CUEDC1: variants seen among roughly 807,000 people sequenced by gnomAD.
CUEDC1 encodes CUE domain-containing protein 1.
A neutral mutation model predicts 43.7 loss-of-function variants in CUEDC1; 30 were observed. The observed-to-expected ratio is 0.69, with a 90% CI of 0.51 to 0.93. The LOEUF (loss-of-function observed/expected upper bound fraction) is 0.93. CUEDC1 is among the 40% of genes least tolerant of loss of function. CUEDC1 has a pLI of 0.00. For missense variants in CUEDC1, 486 were observed against 549.0 expected, an observed-to-expected ratio of 0.89 and a Z score of 1.15; for synonymous variants, 223 against 223.6, an observed-to-expected ratio of 1.00 and a Z score of 0.02.
chr17:57,912,020 T>C (rs1478706059), intron 1 of CUEDC1, among the ~76,000 whole-genome samples: 1 of 152,184 alleles, frequency 6.6e-6, no homozygotes, highest in East Asian at 1.9e-4. Flanking sequence ...ATGCGCAAGA[T>C]AAAAACCTCT....
At chr17:57,932,045 G>A (rs2074808956) in intron 1 of CUEDC1, among the ~76,000 whole-genome samples, 1 of 151,846 alleles carries the variant, frequency 6.6e-6, no homozygotes, top group East Asian at 1.9e-4. Flanking sequence ...GCTGAGGCAG[G>A]CACATCGCCT....
chr17:57,942,521 T>C (rs897032724), intron 1 of CUEDC1, among the ~76,000 whole-genome samples: 5 of 151,836 alleles, frequency 3.3e-5, no homozygotes, highest in Non-Finnish European at 7.4e-5. Context: ...CCCAAGTAGC[T>C]GACACTACAA....
Position 57,885,526 on chromosome 17 carries a change from G to A in CUEDC1, c.39C>T (p.Gly13=), listed in dbSNP as rs1435988570. Residue 13 remains glycine, a synonymous_variant, in exon 2 of 11, where the codon GGC becomes GGT. Transcript: ENST00000577830. The part of the protein sequence containing the change: ...SLFRRSSSGS[G]GGGTAGARGG... ...CGCGTGCCCCGGCGGTGCCACCCCC[G>A]CCGCTGCCGCTGCTGCTCCGGCGGA... The A allele has an allele frequency of 2.9e-6, 4 of 1,387,808 alleles. No individual in the cohort carries two copies. The highest frequency in any genetic ancestry group is 3.7e-5 in the Admixed American group (1 of 26,768). The allele number at this position is 1,387,808 out of a possible 1,614,324, so 86.0% of individuals were successfully genotyped here.
rs536880167 is a variant in CUEDC1 at position 57,952,478 on chromosome 17, C to T, written c.-316+2747G>A. On this transcript the variant is annotated intron_variant, in intron 1 of 10. Coordinates refer to ENST00000577830, the MANE Select transcript of CUEDC1 (RefSeq NM_001271875.2). ...CTGACCTCAGGTGATCCACCCCCCT[C>T]GGCCTCCCAGAGTGGTGGGATTACA... Among the ~76,000 whole-genome samples the T allele has an allele frequency of 9.2e-5, 14 of 152,236 alleles. No individual in the cohort carries two copies. The South Asian group carries it at 1.4e-3, about 16-fold the overall frequency.
chr17:57,925,342 GC>G (rs1296661087), intron 1 of CUEDC1, among the ~76,000 whole-genome samples: 3 of 152,168 alleles, frequency 2.0e-5, no homozygotes, highest in Non-Finnish European at 2.9e-5. Context: ...CCTCCAGGCA[GC>G]CCCGAGCAAT....
intron 1 of CUEDC1, among the ~76,000 whole-genome samples, chr17:57,940,253 T>C (rs1399452699): frequency 7.2e-6 from 1 of 139,226 alleles, no homozygotes; most frequent in Admixed American, 7.2e-5. Context: ...TGTCAGTGTT[T>C]AAAAAAAAAA....
intron 1 of CUEDC1, among the ~76,000 whole-genome samples, chr17:57,891,975 G>T (rs1208056611): frequency 1.3e-5 from 2 of 152,126 alleles, no homozygotes; most frequent in African/African-American, 4.8e-5. Flanking sequence ...TACTCACTGT[G>T]GTATCCCCAG....
intron 1 of CUEDC1, among the ~76,000 whole-genome samples, chr17:57,951,263 A>C (rs1485097440): frequency 1.3e-5 from 2 of 152,180 alleles, no homozygotes; most frequent in African/African-American, 4.8e-5. Flanking sequence ...TCTGGCATAC[A>C]CATGAGATCT....
At chr17:57,916,158 C>T (rs934548116) in intron 1 of CUEDC1, among the ~76,000 whole-genome samples, 2 of 152,268 alleles carry the variant, frequency 1.3e-5, no homozygotes. Flanking sequence ...GCCAGCTCTC[C>T]GACTCCTACC....
intron 1 of CUEDC1, among the ~76,000 whole-genome samples, chr17:57,951,554 G>A (rs1394794692): frequency 2.0e-5 from 3 of 152,080 alleles, no homozygotes; most frequent in African/African-American, 4.8e-5. Context: ...CGCCTCCCGA[G>A]TTCAAATGAT....
At position 57,865,811 on chromosome 17, in the gene CUEDC1, GTTTTTC is replaced by G. The variant is rs760730216; in HGVS notation, c.*3+657_*3+662del. On this transcript the variant is annotated intron_variant, in intron 10 of 10. Coordinates refer to ENST00000577830, the MANE Select transcript of CUEDC1 (RefSeq NM_001271875.2). ...GCACAGCCGGGTTGAGACCACCTCA[GTTTTTC>G]TTTTTCTTTTTTTTTTTTTTTTGAG... is the stretch of plus-strand genomic sequence containing the variant. Among the ~76,000 whole-genome samples the G allele has an allele frequency of 2.5e-3, 364 of 145,806 alleles. 1 individual carries two copies. Among genetic ancestry groups the G allele is most frequent in the Middle Eastern group, 7.0e-3 (2 of 286 alleles).
intron 7 of CUEDC1, 81 bp from the exon 8 acceptor site, chr17:57,868,324 G>A (rs2073989228): frequency 1.5e-6 from 2 of 1,296,918 alleles, no homozygotes; most frequent in Non-Finnish European, 2.2e-6. Context: ...GGAAAGGCCA[G>A]GGGAGGACCA....
At position 57,868,200 on chromosome 17, in the gene CUEDC1, C is replaced by A. The variant is rs1261807877; in HGVS notation, c.984G>T (p.Glu328Asp). The change falls in exon 8 of 11, where the codon GAG (glutamate) becomes GAT (aspartate). Residue 328 changes from glutamate (E) to aspartate (D), a missense_variant. Coordinates refer to ENST00000577830, the MANE Select transcript of CUEDC1 (RefSeq NM_001271875.2). ...KLFELARAFSEKTKMRKSKRK... is the reference protein window; with the variant it reads ...KLFELARAFSDKTKMRKSKRK... ...TCTTTGACTTCCTCATTTTGGTCTTCTCTGAGAAGGCTCGGGCAAGTTCAA... is the reference window on the plus strand; with the variant it reads ...TCTTTGACTTCCTCATTTTGGTCTTATCTGAGAAGGCTCGGGCAAGTTCAA... The A allele has an allele frequency of 6.2e-7, 1 of 1,614,224 alleles. No homozygotes were observed. The highest frequency in any genetic ancestry group is 1.7e-5 in the Admixed American group (1 of 60,026).
intron 3 of CUEDC1, among the ~76,000 whole-genome samples, chr17:57,875,753 C>G (rs1466675482): frequency 2.0e-5 from 3 of 152,048 alleles, no homozygotes; most frequent in Non-Finnish European, 4.4e-5. Flanking sequence ...GCCTCTGCCT[C>G]TGGACCCCAA....
At chr17:57,941,114 G>C (rs1285083805) in intron 1 of CUEDC1, among the ~76,000 whole-genome samples, 1 of 152,188 alleles carries the variant, frequency 6.6e-6, no homozygotes, top group Non-Finnish European at 1.5e-5. Flanking sequence ...CATCAAGGAG[G>C]AGTCATCAAG....
intron 2 of CUEDC1, among the ~76,000 whole-genome samples, chr17:57,884,671 CTCT>C (rs1188348778): frequency 1.5e-4 from 23 of 152,238 alleles, no homozygotes; most frequent in Non-Finnish European, 2.8e-4. Context: ...CCCGGCTTCA[CTCT>C]TCCTTTGGGT....
chr17:57,867,840 A>T (rs1334588847), intron 8 of CUEDC1, among the ~76,000 whole-genome samples: 1 of 152,204 alleles, frequency 6.6e-6, no homozygotes, highest in Non-Finnish European at 1.5e-5. Context: ...ATATTGATGG[A>T]AGAACCACTT....
In CUEDC1 at chr17:57,871,730, C is replaced by T. The variant is rs1276803270; in HGVS notation, c.785-361G>A. ...CCTGAGGTCAGGAGTTCGAGACCAG[C>T]CTGGCCAACATGGTGAAACCCCGTC... On this transcript the variant is annotated intron_variant, in intron 5 of 10. Transcript: ENST00000577830. Among the ~76,000 whole-genome samples, 3 of 152,206 alleles carry T rather than the reference C, an allele frequency of 2.0e-5. No homozygotes were observed. The East Asian group carries it at 5.8e-4, about 29-fold the overall frequency.
At position 57,885,313 on chromosome 17, in the gene CUEDC1, C is replaced by T. The variant is rs756878543; in HGVS notation, c.252G>A (p.Leu84=). The T allele has an allele frequency of 6.2e-7, 1 of 1,610,986 alleles. No individual in the cohort carries two copies. The highest frequency in any genetic ancestry group is 1.1e-5 in the South Asian group (1 of 90,312). ...SGAVDATIDQ[L]LQMNLEGGGS... The stretch of plus-strand genomic sequence containing the variant: ...CACCGCCCTCCAGGTTCATCTGCAG[C>T]AGCTGGTCGATGGTGGCGTCCACAG... The change falls in exon 2 of 11, where the codon CTG becomes CTA. Residue 84 remains leucine (L), a synonymous_variant. Transcript: ENST00000577830.
Sources: allele counts gnomAD v4.1 joint callset (sites outside exome capture counted in the v4.1 genomes callset), GRCh38; gene constraint gnomAD v4.1.1; transcripts MANE v1.5; gene names NCBI Gene and HGNC (gene_info 2026-07-23, HGNC 2026-07-21).